Variants in FER observed in about 807,000 individuals in gnomAD.
FER encodes the protein tyrosine-protein kinase Fer.
In FER, 63 loss-of-function variants were observed where a neutral mutation model predicts 111.0. The observed-to-expected ratio is 0.57, with a 90% CI of 0.46 to 0.70. The LOEUF (loss-of-function observed/expected upper bound fraction) is 0.70, where lower values mean the gene tolerates loss of function less well. Ranked by LOEUF, FER falls within the 30% of genes least tolerant of loss-of-function variation. FER has a pLI of 0.00. For synonymous variants in FER, 327 were observed against 313.9 expected, an observed-to-expected ratio of 1.04 and a Z score of -0.44; for missense variants, 914 against 954.0, an observed-to-expected ratio of 0.96 and a Z score of 0.55.
intron 13 of FER, among the ~76,000 whole-genome samples, chr5:109,024,919 C>G (rs1768469180): frequency 6.6e-6 from 1 of 150,432 alleles, no homozygotes; most frequent in African/African-American, 2.4e-5. Context: ...TGTCAAAGAT[C>G]AGATAGTTGT....
At chr5:109,016,773 T>A (rs1455041220) in intron 13 of FER, among the ~76,000 whole-genome samples, 1 of 152,080 alleles carries the variant, frequency 6.6e-6, no homozygotes, top group Non-Finnish European at 1.5e-5. Flanking sequence ...TATTATGTGC[T>A]ATGCACAGAA....
intron 13 of FER, among the ~76,000 whole-genome samples, chr5:108,975,138 A>G (rs1474934526): frequency 2.0e-5 from 3 of 152,190 alleles, no homozygotes; most frequent in Non-Finnish European, 4.4e-5. Context: ...CATTCTCAGC[A>G]AACTAACACA....
At chr5:109,030,459 T>C (rs572931375) in intron 13 of FER, among the ~76,000 whole-genome samples, 1 of 152,174 alleles carries the variant, frequency 6.6e-6, no homozygotes, top group Admixed American at 6.5e-5. Flanking sequence ...GGTAGTTACC[T>C]TGTTTAGGTT....
intron 2 of FER, among the ~76,000 whole-genome samples, chr5:108,793,702 CT>C (rs963751898): frequency 2.6e-5 from 4 of 152,034 alleles, no homozygotes; most frequent in African/African-American, 7.2e-5. Flanking sequence ...GTTTTATGGT[CT>C]TTTTCCTTTC....
At chr5:108,900,769 A>G (rs1749894934) in intron 10 of FER, among the ~76,000 whole-genome samples, 1 of 152,162 alleles carries the variant, frequency 6.6e-6, no homozygotes, top group Non-Finnish European at 1.5e-5. Context: ...TATTCTTATA[A>G]AGGTTCCAAA....
chr5:109,038,551 T>C (rs1406166132), intron 14 of FER, among the ~76,000 whole-genome samples: 1 of 151,980 alleles, frequency 6.6e-6, no homozygotes, highest in Non-Finnish European at 1.5e-5. Flanking sequence ...AAGCATCGAA[T>C]TGTTATTGGA....
intron 16 of FER, among the ~76,000 whole-genome samples, chr5:109,051,039 A>T (rs1046849050): frequency 1.3e-5 from 2 of 152,196 alleles, no homozygotes; most frequent in Non-Finnish European, 2.9e-5. Context: ...TCTATGTATC[A>T]TGTAATGGAA....
chr5:108,950,280 T>G (rs1437465781), intron 11 of FER, among the ~76,000 whole-genome samples: 1 of 152,186 alleles, frequency 6.6e-6, no homozygotes, highest in African/African-American at 2.4e-5. Context: ...TAATTCTTTA[T>G]AGTTACTATC....
intron 17 of FER, among the ~76,000 whole-genome samples, chr5:109,104,404 T>TA (rs1748629021): frequency 6.6e-6 from 1 of 152,206 alleles, no homozygotes. Flanking sequence ...AATTTTGTGA[T>TA]AAAATCTACA....
intron 3 of FER, among the ~76,000 whole-genome samples, chr5:108,804,331 C>T (rs547324756): frequency 6.6e-6 from 1 of 151,980 alleles, no homozygotes; most frequent in African/African-American, 2.4e-5. Flanking sequence ...ATTTTTTTCT[C>T]TTGCCTGATT....
chr5:109,160,156 C>A (rs532020786), intron 17 of FER, among the ~76,000 whole-genome samples: 1 of 152,274 alleles, frequency 6.6e-6, no homozygotes, highest in African/African-American at 2.4e-5. Context: ...TAGATTTCTT[C>A]CCCTAAAATT....
chr5:108,869,764 G>A (rs141716452), intron 6 of FER, among the ~76,000 whole-genome samples: 10 of 152,118 alleles, frequency 6.6e-5, no homozygotes, highest in Admixed American at 5.9e-4. Flanking sequence ...AATTAGAAGC[G>A]CAAATTTGTC....
At chr5:109,003,217 C>G (rs1015472021) in intron 13 of FER, among the ~76,000 whole-genome samples, 1 of 152,162 alleles carries the variant, frequency 6.6e-6, no homozygotes, top group Non-Finnish European at 1.5e-5. Context: ...GGAACCAACC[C>G]AAATGTCCAA....
intron 2 of FER, among the ~76,000 whole-genome samples, chr5:108,786,621 C>T (rs1199477094): frequency 6.6e-6 from 1 of 152,102 alleles, no homozygotes. Flanking sequence ...CTGTCTCAGC[C>T]TACCAAGCAG....
At chr5:108,815,470 G>T (rs1758180726) in intron 3 of FER, among the ~76,000 whole-genome samples, 1 of 151,508 alleles carries the variant, frequency 6.6e-6, no homozygotes, top group African/African-American at 2.4e-5. Flanking sequence ...TGATATCTAG[G>T]GTGCTTTTAT....
intron 9 of FER, among the ~76,000 whole-genome samples, chr5:108,885,744 C>G (rs576050493): frequency 1.1e-4 from 16 of 151,912 alleles, no homozygotes; most frequent in African/African-American, 3.9e-4. Flanking sequence ...TTTTCAACAT[C>G]TGAATTTTGG....
chr5:109,051,791 T>G, intron 16 of FER: 1 of 1,595,844 alleles, frequency 6.3e-7, no homozygotes, highest in Non-Finnish European at 8.6e-7. Context: ...TCAATGATAT[T>G]CAAGGCCAGG....
intron 17 of FER, among the ~76,000 whole-genome samples, chr5:109,158,627 T>C (rs939964455): frequency 5.9e-5 from 9 of 152,182 alleles, no homozygotes; most frequent in Non-Finnish European, 1.0e-4. Context: ...GAGAAATCTT[T>C]AGTGGCTCAA....
chr5:109,128,622 T>C (rs577452253), intron 17 of FER, among the ~76,000 whole-genome samples: 1 of 152,210 alleles, frequency 6.6e-6, no homozygotes, highest in Non-Finnish European at 1.5e-5. Context: ...AGAATGGGGA[T>C]TGTATTAAGA....
Sources: gnomAD v4.1 joint callset for allele counts (sites outside exome capture counted in the v4.1 genomes callset) on GRCh38, gnomAD v4.1.1 for gene constraint, MANE v1.5 for transcripts, NCBI Gene and HGNC (gene_info 2026-07-23, HGNC 2026-07-21) for gene names.